ZFAT: variants seen among roughly 807,000 people sequenced by gnomAD.
The protein encoded by ZFAT is zinc finger and AT-hook domain containing.
A neutral mutation model predicts 117.7 loss-of-function variants in ZFAT; 64 were observed. The observed-to-expected ratio is 0.54, with a 90% CI of 0.44 to 0.67. The LOEUF (loss-of-function observed/expected upper bound fraction) is 0.67. Among genes scored for constraint, ZFAT ranks in the 30% least tolerant of loss-of-function variants. The probability of loss-of-function intolerance (pLI) is 0.00; values close to 1 mark genes in which losing one functional copy is unlikely to be tolerated. For synonymous variants in ZFAT, 679 were observed against 615.0 expected (o/e 1.10, Z -1.54); for missense variants, 1,433 against 1,584.5 (o/e 0.90, Z 1.62).
chr8:134,565,619 C>T (rs1231310718), intron 10 of ZFAT, 198 bp from the exon 11 acceptor site: 3 of 686,896 alleles, frequency 4.4e-6, no homozygotes, highest in East Asian at 2.7e-5. Flanking sequence ...GAGAGGCACT[C>T]CCCAGGGAGG....
chr8:134,795,597 A>T, the ZFAT span: 1 of 152,170 alleles, frequency 6.6e-6, no homozygotes, highest in African/African-American at 2.4e-5. Flanking sequence ...ATGGGCCGGA[A>T]GATCAGACAA....
intron 11 of ZFAT, among the ~76,000 whole-genome samples, chr8:134,533,763 C>T (rs893604789): frequency 8.5e-5 from 13 of 152,262 alleles, no homozygotes; most frequent in Admixed American, 6.5e-4. Context: ...CACAATGCTT[C>T]GGAGGCTGCA....
rs573774659 is a variant in ZFAT, at chr8:134,565,414, C to G, written c.2895G>C (p.Gln965His). 5 of 1,612,688 alleles carry G rather than the reference C, an allele frequency of 3.1e-6. No individual in the cohort carries two copies. In the African/African-American group the frequency reaches 6.7e-5, roughly 22 times the overall value. Reference sequence around the variant, plus strand: ...TGTAGTCACACACCGTGCACTTAAACTGCTTCCCTGGAAAGAAGCGGAGGA... The same window carrying G: ...TGTAGTCACACACCGTGCACTTAAAGTGCTTCCCTGGAAAGAAGCGGAGGA... ...HKLLHTADGK[Q>H]FKCTVCDYTA... The change falls in exon 11 of 16, where the codon CAG becomes CAC. Residue 965 changes from glutamine to histidine, a missense_variant. Coordinates refer to ENST00000377838, the MANE Select transcript of ZFAT (RefSeq NM_020863.4).
At chr8:134,721,577 C>T in the ZFAT span, among the ~76,000 whole-genome samples, 1 of 152,178 alleles carries the variant, frequency 6.6e-6, no homozygotes, top group Non-Finnish European at 1.5e-5. Context: ...AGATGCCAAG[C>T]CTTCTTACAA....
chr8:134,585,464 A>C (rs1034298506), intron 9 of ZFAT, among the ~76,000 whole-genome samples: 1 of 152,228 alleles, frequency 6.6e-6, no homozygotes, highest in Non-Finnish European at 1.5e-5. Context: ...AAAGAACTCA[A>C]AAATGAAGAC....
chr8:134,540,762 G>A (rs900066743), intron 11 of ZFAT, among the ~76,000 whole-genome samples: 8 of 152,228 alleles, frequency 5.3e-5, no homozygotes, highest in African/African-American at 1.4e-4. Context: ...GCCATCTAGC[G>A]GACTGGGAAA....
chr8:134,685,935 G>T (rs1833299356), intron 1 of ZFAT, among the ~76,000 whole-genome samples: 1 of 152,206 alleles, frequency 6.6e-6, no homozygotes, highest in African/African-American at 2.4e-5. Context: ...GACGAGTTAA[G>T]TGGGCCAGGT....
At chr8:134,762,805 C>A in the ZFAT span, among the ~76,000 whole-genome samples, 1 of 152,150 alleles carries the variant, frequency 6.6e-6, no homozygotes, top group Admixed American at 6.6e-5. Flanking sequence ...ATACTTGCTC[C>A]CCTACCCATA....
At chr8:134,788,484 C>T in the ZFAT span, among the ~76,000 whole-genome samples, 1 of 152,014 alleles carries the variant, frequency 6.6e-6, no homozygotes, top group African/African-American at 2.4e-5. Context: ...AAGATGAATG[C>T]TTTTGATCTT....
rs565569816 is a variant in ZFAT at position 134,487,703 on chromosome 8, A to C, written c.3493-8982T>G. On this transcript the variant is annotated intron_variant, in intron 15 of 15. Transcript: ENST00000377838. ...GTGCTGGTCCACCATCTTTTCCCAAAGATCCCTTCTTGCCCTTGAGAACTC... is the reference window on the plus strand; with the variant it reads ...GTGCTGGTCCACCATCTTTTCCCAACGATCCCTTCTTGCCCTTGAGAACTC... Among the ~76,000 whole-genome samples the C allele has an allele frequency of 5.3e-5, 8 of 152,216 alleles. No individual in the cohort carries two copies. The South Asian group carries it at 1.5e-3, about 28-fold the overall frequency.
chr8:134,762,251 C>T, the ZFAT span, among the ~76,000 whole-genome samples: 3 of 152,194 alleles, frequency 2.0e-5, no homozygotes, highest in Admixed American at 6.5e-5. Flanking sequence ...CATTCCTGGT[C>T]TCTACAAACC....
chr8:134,829,874 A>C, the ZFAT span, among the ~76,000 whole-genome samples: 4 of 152,376 alleles, frequency 2.6e-5, no homozygotes, highest in African/African-American at 7.2e-5. Context: ...AAAAATTGAA[A>C]AATAAGCAAT....
the ZFAT span, among the ~76,000 whole-genome samples, chr8:134,817,436 C>CACACACACACACACACACACA: frequency 7.9e-6 from 1 of 126,838 alleles, no homozygotes; most frequent in East Asian, 2.0e-4. Flanking sequence ...CACACACACA[C>CACACACACACACACACACACA]AACGCACCCT....
intron 3 of ZFAT, among the ~76,000 whole-genome samples, chr8:134,622,550 T>C (rs9886415): frequency 0.065 from 9,828 of 152,088 alleles, 1,091 homozygotes; most frequent in African/African-American, 0.22. Context: ...GACCCGAGCG[T>C]GTCCCTTTTA....
At chr8:134,652,044 A>C (rs1375053323) in intron 2 of ZFAT, among the ~76,000 whole-genome samples, 1 of 152,154 alleles carries the variant, frequency 6.6e-6, no homozygotes, top group East Asian at 1.9e-4. Context: ...TAGGCTGGGC[A>C]TGGTGGCTCA....
intron 1 of ZFAT, among the ~76,000 whole-genome samples, chr8:134,698,168 CA>C (rs942723476): frequency 6.6e-6 from 1 of 151,298 alleles, no homozygotes; most frequent in Non-Finnish European, 1.5e-5. Context: ...ATTAAACATA[CA>C]AAAAAAATTA....
chr8:134,604,385 T>A (rs1416513248), intron 5 of ZFAT, among the ~76,000 whole-genome samples: 1 of 152,210 alleles, frequency 6.6e-6, no homozygotes, highest in Non-Finnish European at 1.5e-5. Context: ...CCAGAGTGAC[T>A]GTACTGCAAA....
intron 3 of ZFAT, among the ~76,000 whole-genome samples, chr8:134,626,598 T>G (rs1048076251): frequency 1.3e-5 from 2 of 152,208 alleles, no homozygotes; most frequent in African/African-American, 2.4e-5. Context: ...AGCCAAGAAC[T>G]GGGATTCCAC....
At chr8:134,501,918 C>T (rs923771316) in intron 15 of ZFAT, among the ~76,000 whole-genome samples, 4 of 152,194 alleles carry the variant, frequency 2.6e-5, no homozygotes, top group South Asian at 2.1e-4. Context: ...GATCTCATCT[C>T]GGTCCCACTT....
Sources: gnomAD v4.1 joint callset for allele counts (sites outside exome capture counted in the v4.1 genomes callset) on GRCh38, gnomAD v4.1.1 for gene constraint, MANE v1.5 for transcripts, NCBI Gene and HGNC (gene_info 2026-07-23, HGNC 2026-07-21) for gene names.